SLC16A9: variants seen among roughly 807,000 people sequenced by gnomAD.
The protein encoded by SLC16A9 is monocarboxylate transporter 9.
SLC16A9 carries 26 observed loss-of-function variants against 44.3 expected under a neutral mutation model. The ratio of observed to expected loss-of-function variants is 0.59; its 90% confidence interval spans 0.43 to 0.81. The LOEUF is 0.81. Ranked by LOEUF, SLC16A9 falls within the 40% of genes least tolerant of loss-of-function variation. The pLI, the probability that SLC16A9 is intolerant of heterozygous loss-of-function variation, is 0.00. For missense variants in SLC16A9, 559 were observed against 595.8 expected (o/e 0.94, Z 0.64); for synonymous variants, 230 against 225.1 (o/e 1.02, Z -0.19).
intron 1 of SLC16A9, among the ~76,000 whole-genome samples, chr10:59,696,196 C>T (rs1034391921): frequency 6.6e-6 from 1 of 152,238 alleles, no homozygotes; most frequent in Non-Finnish European, 1.5e-5. Context: ...CTCACTGCAA[C>T]CTCCCTGCCT....
At chr10:59,701,268 G>A (rs914939353) in intron 1 of SLC16A9, among the ~76,000 whole-genome samples, 5 of 152,124 alleles carry the variant, frequency 3.3e-5, no homozygotes, top group African/African-American at 9.7e-5. Flanking sequence ...CATCTTTTCT[G>A]CGAATGCCTG....
chr10:59,695,388 T>C (rs937514314), intron 1 of SLC16A9, among the ~76,000 whole-genome samples: 3 of 152,258 alleles, frequency 2.0e-5, no homozygotes, highest in Non-Finnish European at 4.4e-5. Flanking sequence ...CTCATCATAC[T>C]GTATGCTTAT....
rs764031650 is a variant in SLC16A9 at position 59,672,908 on chromosome 10, C to T, written c.202G>A (p.Val68Ile). 5.6e-5 allele frequency: 90 copies of T among 1,602,192 alleles called. 1 individual carries two copies. The highest frequency in any genetic ancestry group is 5.2e-5 in the Non-Finnish European group (61 of 1,176,894). The stretch of plus-strand genomic sequence containing the variant: ...AAAGATGAGACACAGAGACTGCAGA[C>T]AGGACCTAAAAAAAGAAATGAAACC... ...ASGVGLLASPVCSLCVSSFGA... is the reference protein window; with the variant it reads ...ASGVGLLASPICSLCVSSFGA... The change falls in exon 3 of 6, where the codon GTC (valine) becomes ATC (isoleucine). Residue 68 changes from valine (V) to isoleucine (I), a missense_variant. By Grantham distance (29) the Val-to-Ile change is conservative (BLOSUM62 3). Coordinates refer to ENST00000395348, the MANE Select transcript of SLC16A9 (RefSeq NM_194298.3).
At chr10:59,698,701 C>T (rs779947323) in intron 1 of SLC16A9, among the ~76,000 whole-genome samples, 24 of 151,984 alleles carry the variant, frequency 1.6e-4, no homozygotes, top group Non-Finnish European at 1.0e-4. Context: ...CCAAGCCACA[C>T]TCAGCTGACA....
In SLC16A9 at chr10:59,651,088, G is replaced by T. The variant is rs753035759; in HGVS notation, c.*1684C>A. On this transcript the variant is annotated 3_prime_UTR_variant, in exon 6 of 6. Transcript: ENST00000395348. ...CCAGAAGTCTGAGTGTGGTGTAGAA[G>T]TCCAAGACAACTTGGAGCTCCATTA... 2 of 151,624 alleles carry T rather than the reference G, an allele frequency of 1.3e-5. No individual in the cohort carries two copies. The highest frequency in any genetic ancestry group is 2.9e-5 in the Non-Finnish European group (2 of 67,908). The allele number at this position is 151,624 out of a possible 1,614,324, so 9.4% of individuals were successfully genotyped here. A position where few individuals can be genotyped will look rare whatever the true frequency, so the allele number is the denominator to read the frequency against.
intron 1 of SLC16A9, among the ~76,000 whole-genome samples, chr10:59,694,821 C>T (rs143776395): frequency 3.2e-3 from 94 of 29,822 alleles, no homozygotes; most frequent in Non-Finnish European, 5.1e-3. Context: ...TATATATACA[C>T]ACACACACAC....
chr10:59,690,402 G>A (rs186309420), intron 1 of SLC16A9, among the ~76,000 whole-genome samples: 1 of 152,268 alleles, frequency 6.6e-6, no homozygotes, highest in Non-Finnish European at 1.5e-5. Flanking sequence ...GTACGTACAC[G>A]ATTGGGTGCC....
chr10:59,699,057 T>C (rs1179859414), intron 1 of SLC16A9, among the ~76,000 whole-genome samples: 1 of 152,172 alleles, frequency 6.6e-6, no homozygotes, highest in Admixed American at 6.5e-5. Context: ...GTCGAGTTTA[T>C]CTTTGCATTT....
chr10:59,705,865 T>A (rs1185542078), intron 1 of SLC16A9, among the ~76,000 whole-genome samples: 1 of 152,194 alleles, frequency 6.6e-6, no homozygotes, highest in Non-Finnish European at 1.5e-5. Flanking sequence ...ACCAATAATG[T>A]TCAATCATAT....
At chr10:59,709,029 G>A (rs886647251) in intron 1 of SLC16A9, among the ~76,000 whole-genome samples, 3 of 152,200 alleles carry the variant, frequency 2.0e-5, no homozygotes, top group African/African-American at 7.2e-5. Flanking sequence ...GGGGGCACCT[G>A]GTTGCTCGCG....
chr10:59,666,898 A>G (rs1839632094), intron 3 of SLC16A9, among the ~76,000 whole-genome samples: 1 of 150,952 alleles, frequency 6.6e-6, no homozygotes, highest in Non-Finnish European at 1.5e-5. Flanking sequence ...AACACACAGA[A>G]TTTTGGAAAA....
intron 3 of SLC16A9, among the ~76,000 whole-genome samples, chr10:59,670,882 G>T (rs1316219823): frequency 6.6e-6 from 1 of 152,084 alleles, no homozygotes; most frequent in Non-Finnish European, 1.5e-5. Flanking sequence ...AAACTGTGAA[G>T]AAATCAACCA....
intron 2 of SLC16A9, 54 bp from the exon 3 acceptor site, chr10:59,672,967 G>A: frequency 6.6e-7 from 1 of 1,524,922 alleles, no homozygotes; most frequent in Non-Finnish European, 8.9e-7. Flanking sequence ...TCCATCATAA[G>A]TTCAAAATGA....
At chr10:59,668,627 G>A (rs1333966181) in intron 3 of SLC16A9, among the ~76,000 whole-genome samples, 1 of 152,016 alleles carries the variant, frequency 6.6e-6, no homozygotes, top group Non-Finnish European at 1.5e-5. Context: ...TTATTTATCT[G>A]TAAAACAATC....
At chr10:59,699,113 C>T (rs1271277662) in intron 1 of SLC16A9, among the ~76,000 whole-genome samples, 8 of 152,308 alleles carry the variant, frequency 5.3e-5, no homozygotes, top group Non-Finnish European at 8.8e-5. Flanking sequence ...GCTTTATCCG[C>T]AGTCCCCAAC....
chr10:59,686,785 C>CT (rs771797334), intron 1 of SLC16A9, among the ~76,000 whole-genome samples: 102 of 152,152 alleles, frequency 6.7e-4, no homozygotes, highest in Admixed American at 1.9e-3. Context: ...TTCCAATTTC[C>CT]TTTTTTATAA....
intron 1 of SLC16A9, among the ~76,000 whole-genome samples, chr10:59,698,083 A>C (rs944421410): frequency 6.6e-6 from 1 of 152,178 alleles, no homozygotes; most frequent in African/African-American, 2.4e-5. Context: ...GATTTCTGGT[A>C]ATTTCATAGC....
chr10:59,672,731 C>A, intron 3 of SLC16A9, 39 bp downstream of exon 3: 3 of 1,586,910 alleles, frequency 1.9e-6, no homozygotes, highest in Non-Finnish European at 2.6e-6. Flanking sequence ...ATGTGTATCT[C>A]TTGAAGGTTA....
chr10:59,681,584 G>GTATGTATATGTA (rs199820860), intron 2 of SLC16A9, among the ~76,000 whole-genome samples: 1 of 4,894 alleles, frequency 2.0e-4, no homozygotes, highest in African/African-American at 3.8e-4. Context: ...ATGTGTATGT[G>GTATGTATATGTA]TATGTATATG....
Sources: gnomAD v4.1 joint callset for allele counts (sites outside exome capture counted in the v4.1 genomes callset) on GRCh38, gnomAD v4.1.1 for gene constraint, MANE v1.5 for transcripts, NCBI Gene and HGNC (gene_info 2026-07-23, HGNC 2026-07-21) for gene names.